Variants in NR2F1-AS1 observed in about 807,000 individuals in gnomAD.
The protein encoded by NR2F1-AS1 is NR2F1 regulatory antisense RNA 1, also known as NR2F1 antisense RNA 1.
chr5:93,464,236 T>A (rs1022818738), intron 4 of NR2F1-AS1, among the ~76,000 whole-genome samples: 2 of 151,586 alleles, frequency 1.3e-5, no homozygotes, highest in African/African-American at 4.9e-5. Flanking sequence ...AAAAGGGGAG[T>A]TTCACTGCAC....
chr5:93,564,774 T>C (rs896731212), intron 1 of NR2F1-AS1, among the ~76,000 whole-genome samples: 1 of 152,228 alleles, frequency 6.6e-6, no homozygotes, highest in Admixed American at 6.5e-5. Flanking sequence ...CCTATTTTCC[T>C]GGTATTTAAA....
At chr5:93,455,735 C>T (rs1338567892) in intron 4 of NR2F1-AS1, among the ~76,000 whole-genome samples, 1 of 151,828 alleles carries the variant, frequency 6.6e-6, no homozygotes, top group Non-Finnish European at 1.5e-5. Context: ...CATATACAAA[C>T]ACAAAGGATC....
At chr5:93,467,045 C>T (rs774463644) in intron 4 of NR2F1-AS1, among the ~76,000 whole-genome samples, 14 of 151,850 alleles carry the variant, frequency 9.2e-5, no homozygotes, top group Middle Eastern at 3.4e-3. Context: ...GGATTACAGG[C>T]GCCTGCCACC....
intron 4 of NR2F1-AS1, among the ~76,000 whole-genome samples, chr5:93,416,969 C>T (rs1352304265): frequency 1.3e-5 from 2 of 151,996 alleles, no homozygotes; most frequent in Non-Finnish European, 1.5e-5. Context: ...TAAAACTGAC[C>T]CTCACAACAA....
At chr5:93,557,839 A>C (rs1258356359) in intron 2 of NR2F1-AS1, among the ~76,000 whole-genome samples, 1 of 152,194 alleles carries the variant, frequency 6.6e-6, no homozygotes, top group African/African-American at 2.4e-5. Context: ...TCAAAACTGG[A>C]GTCAATCCCT....
upstream of NR2F1-AS1, among the ~76,000 whole-genome samples, chr5:93,582,586 G>A (rs978395010): frequency 3.9e-5 from 6 of 152,192 alleles, no homozygotes; most frequent in Non-Finnish European, 7.3e-5. Context: ...CATTAAAATG[G>A]TGGGGGTTTC....
At chr5:93,432,029 A>C (rs1185679359) in intron 4 of NR2F1-AS1, among the ~76,000 whole-genome samples, 1 of 152,174 alleles carries the variant, frequency 6.6e-6, no homozygotes, top group Non-Finnish European at 1.5e-5. Flanking sequence ...ATTGCTGTTA[A>C]AGCAGCCTTG....
chr5:93,524,196 C>T (rs1450679629), intron 4 of NR2F1-AS1, among the ~76,000 whole-genome samples: 1 of 151,578 alleles, frequency 6.6e-6, no homozygotes, highest in South Asian at 2.1e-4. Flanking sequence ...CAGCATGAGA[C>T]CTTCGTGAAG....
chr5:93,505,431 G>A (rs977011411), intron 4 of NR2F1-AS1, among the ~76,000 whole-genome samples: 7 of 152,176 alleles, frequency 4.6e-5, no homozygotes, highest in Admixed American at 1.3e-4. Context: ...TGCCCCAGTA[G>A]GAACTCTCTG....
intron 4 of NR2F1-AS1, among the ~76,000 whole-genome samples, chr5:93,444,969 G>A (rs1458975916): frequency 6.6e-6 from 1 of 152,142 alleles, no homozygotes; most frequent in Non-Finnish European, 1.5e-5. Flanking sequence ...ATAACAAAAT[G>A]AAGGCAGAAA....
chr5:93,421,904 T>C (rs1163912559), intron 4 of NR2F1-AS1, among the ~76,000 whole-genome samples: 1 of 152,202 alleles, frequency 6.6e-6, no homozygotes, highest in African/African-American at 2.4e-5. Flanking sequence ...GTGAAAGTAA[T>C]ATGGAGGCTT....
intron 1 of NR2F1-AS1, among the ~76,000 whole-genome samples, chr5:93,572,050 T>A (rs1464409037): frequency 6.6e-6 from 1 of 150,820 alleles, no homozygotes; most frequent in Non-Finnish European, 1.5e-5. Flanking sequence ...GCGCAGGGGT[T>A]CCTCTGACCG....
upstream of NR2F1-AS1, chr5:93,580,935 T>C (rs1753012341): frequency 6.6e-6 from 1 of 152,264 alleles, no homozygotes; most frequent in Non-Finnish European, 1.5e-5. Flanking sequence ...TCTCCATTAT[T>C]CGAGCTGGAG....
At chr5:93,517,133 T>G (rs1264602864) in intron 4 of NR2F1-AS1, among the ~76,000 whole-genome samples, 1 of 152,006 alleles carries the variant, frequency 6.6e-6, no homozygotes, top group Admixed American at 6.6e-5. Flanking sequence ...TATTATCATC[T>G]TCCCTAAAAC....
intron 4 of NR2F1-AS1, among the ~76,000 whole-genome samples, chr5:93,494,770 T>C (rs1561467634): frequency 6.6e-6 from 1 of 152,138 alleles, no homozygotes; most frequent in East Asian, 1.9e-4. Flanking sequence ...AATGAAAAGA[T>C]GTCCACACAA....
intron 1 of NR2F1-AS1, among the ~76,000 whole-genome samples, chr5:93,577,669 C>T (rs926623213): frequency 6.6e-6 from 1 of 152,214 alleles, no homozygotes; most frequent in African/African-American, 2.4e-5. Flanking sequence ...ACATCTTCAA[C>T]TATGTCCTTC....
rs1038203747 is a variant in NR2F1-AS1, at chr5:93,499,204, G to T, written n.638+54557C>A. 5.3e-5 allele frequency among the ~76,000 whole-genome samples: 8 copies of T among 152,150 alleles called. No individual in the cohort carries two copies. In the South Asian group the frequency reaches 1.7e-3, roughly 31 times the overall value. On this transcript the variant is annotated intron_variant and non_coding_transcript_variant, in intron 4 of 5. Transcript: ENST00000660523. ...TTGTTTCAAATATGTGAATGTGTGT[G>T]TGTTCCTTCAGCCAATTAACTACAG...
At chr5:93,511,480 C>G (rs1270761287) in intron 4 of NR2F1-AS1, among the ~76,000 whole-genome samples, 2 of 152,204 alleles carry the variant, frequency 1.3e-5, no homozygotes, top group African/African-American at 4.8e-5. Flanking sequence ...ATGTTCCTTA[C>G]AGTCAGGTGC....
intron 4 of NR2F1-AS1, chr5:93,411,071 A>G (rs1282721808): frequency 6.6e-6 from 1 of 152,226 alleles, no homozygotes; most frequent in African/African-American, 2.4e-5. Context: ...TTAACAGCAG[A>G]AGAAAAACAA....
Sources: allele counts gnomAD v4.1 joint callset (sites outside exome capture counted in the v4.1 genomes callset), GRCh38; gene constraint gnomAD v4.1.1; transcripts MANE v1.5; gene names NCBI Gene and HGNC (gene_info 2026-07-23, HGNC 2026-07-21).